The following KCNH1 variants were observed in gnomAD, a reference collection of about 807,000 sequenced individuals.
KCNH1 encodes the protein potassium voltage-gated channel subfamily H member 1, also known as voltage-gated delayed rectifier potassium channel KCNH1.
KCNH1 carries 27 observed loss-of-function variants against 69.2 expected under a neutral mutation model. That is an observed-to-expected ratio of 0.39 (90% CI 0.29 to 0.54). The LOEUF (loss-of-function observed/expected upper bound fraction) is 0.54. Among genes scored for constraint, KCNH1 ranks in the 20% least tolerant of loss-of-function variants. KCNH1 has a pLI of 0.68. For synonymous variants in KCNH1, 456 were observed against 487.7 expected (o/e 0.93, Z 0.86); for missense variants, 798 against 1,261.6 (o/e 0.63, Z 5.57).
At chr1:211,109,434 G>C (rs1485953877) in intron 1 of KCNH1, among the ~76,000 whole-genome samples, 1 of 152,166 alleles carries the variant, frequency 6.6e-6, no homozygotes, top group Non-Finnish European at 1.5e-5. Flanking sequence ...GAACTGAATA[G>C]CTTAGACTTA....
intron 7 of KCNH1, among the ~76,000 whole-genome samples, chr1:210,901,381 C>A (rs116087312): frequency 1.4e-3 from 206 of 152,308 alleles, no homozygotes; most frequent in African/African-American, 4.7e-3. Flanking sequence ...TGGGCAACTA[C>A]AACATCCTCC....
rs972174697 is a variant in KCNH1 at position 210,806,736 on chromosome 1, G to A, written c.1463-2570C>T. Among the ~76,000 whole-genome samples, 6 of 145,670 alleles carry A rather than the reference G, an allele frequency of 4.1e-5. 1 individual carries two copies. In the South Asian group the frequency reaches 8.9e-4, roughly 22 times the overall value. ...AATTTACAAGAAGCTTTGGGAGACC[G>A]AGGCAGGCGGATCACCTGAGGTCAG... is the stretch of plus-strand genomic sequence containing the variant. On this transcript the variant is annotated intron_variant, in intron 7 of 10. Transcript: ENST00000271751.
rs542741225 is a variant in KCNH1 at position 211,073,263 on chromosome 1, T to G, written c.558+9517A>C. On this transcript the variant is annotated intron_variant, in intron 5 of 10. Transcript: ENST00000271751. ...CAACTGCAAGGAAAAATAGATGAATTCATTATTATAGTTGAAGACTTCAAT... is the reference window on the plus strand; with the variant it reads ...CAACTGCAAGGAAAAATAGATGAATGCATTATTATAGTTGAAGACTTCAAT... 9.2e-5 allele frequency among the ~76,000 whole-genome samples: 14 copies of G among 152,306 alleles called. No homozygotes were observed. In the East Asian group the frequency reaches 2.7e-3, roughly 29 times the overall value.
At chr1:211,057,039 C>G (rs1054087588) in intron 5 of KCNH1, among the ~76,000 whole-genome samples, 3 of 152,126 alleles carry the variant, frequency 2.0e-5, no homozygotes, top group Admixed American at 2.0e-4. Flanking sequence ...AAGTAAGGCA[C>G]CCAGTGACCA....
chr1:210,849,368 T>TC (rs1226747008), intron 7 of KCNH1, among the ~76,000 whole-genome samples: 1 of 144,362 alleles, frequency 6.9e-6, no homozygotes, highest in South Asian at 2.1e-4. Context: ...TTTCTTTCTT[T>TC]TTTTTTTTTT....
intron 1 of KCNH1, among the ~76,000 whole-genome samples, chr1:211,129,623 T>A (rs1691841932): frequency 6.6e-6 from 1 of 152,158 alleles, no homozygotes; most frequent in Non-Finnish European, 1.5e-5. Context: ...AAAAACAAGC[T>A]CTGCTGAGCT....
Position 210,847,125 on chromosome 1 carries a change from T to G in KCNH1, c.1463-42959A>C, listed in dbSNP as rs1023362510. Among the ~76,000 whole-genome samples the G allele has an allele frequency of 4.5e-4, 69 of 152,160 alleles. 1 individual carries two copies. The South Asian group carries it at 5.2e-3, about 11-fold the overall frequency. On this transcript the variant is annotated intron_variant, in intron 7 of 10. Transcript: ENST00000271751. ...GGAGAAATAGGAACACTTTTACACT[T>G]TTGGTGGGACTGTAAACTAGTTCAA...
intron 8 of KCNH1, among the ~76,000 whole-genome samples, chr1:210,800,272 C>A (rs1389597101): frequency 6.6e-6 from 1 of 152,198 alleles, no homozygotes; most frequent in Non-Finnish European, 1.5e-5. Flanking sequence ...AAAAACAAGA[C>A]TCCTGCAGAA....
At chr1:210,913,704 A>T (rs1687280809) in intron 7 of KCNH1, among the ~76,000 whole-genome samples, 1 of 152,222 alleles carries the variant, frequency 6.6e-6, no homozygotes, top group Admixed American at 6.5e-5. Context: ...TGACGGAATA[A>T]GACTATGGGG....
intron 5 of KCNH1, among the ~76,000 whole-genome samples, chr1:211,080,183 C>T (rs1558596152): frequency 3.3e-5 from 5 of 152,174 alleles, no homozygotes; most frequent in Admixed American, 2.6e-4. Flanking sequence ...AATAGACAAA[C>T]AGAGAGCCAA....
intron 7 of KCNH1, among the ~76,000 whole-genome samples, chr1:210,833,663 C>A (rs1477128313): frequency 6.6e-6 from 1 of 151,876 alleles, no homozygotes; most frequent in East Asian, 1.9e-4. Context: ...GCAATGGCAA[C>A]AAAAGCCAAA....
intron 5 of KCNH1, among the ~76,000 whole-genome samples, chr1:211,050,676 T>C (rs533291947): frequency 6.6e-6 from 1 of 152,370 alleles, no homozygotes; most frequent in East Asian, 1.9e-4. Context: ...GTTGTATTTT[T>C]TTATTTCAAT....
rs113452103 is a variant in KCNH1 at position 210,944,873 on chromosome 1, G to A, written c.1033-24804C>T. On this transcript the variant is annotated intron_variant, in intron 6 of 10. Transcript: ENST00000271751. Reference sequence around the variant, plus strand: ...CTATTCATCTCCAGAAATTTTTCACGTTTCCAAACTGAAACTCTGCACCCA... The same window carrying A: ...CTATTCATCTCCAGAAATTTTTCACATTTCCAAACTGAAACTCTGCACCCA... Among the ~76,000 whole-genome samples the A allele has an allele frequency of 5.6e-3, 849 of 152,182 alleles. 11 individuals are homozygous for A. The highest frequency in any genetic ancestry group is 0.019 in the African/African-American group (806 of 41,524).
At chr1:210,964,686 G>T (rs1333619441) in intron 6 of KCNH1, among the ~76,000 whole-genome samples, 1 of 152,156 alleles carries the variant, frequency 6.6e-6, no homozygotes, top group African/African-American at 2.4e-5. Context: ...AGAGGAGCTG[G>T]TACCATTCCT....
At chr1:211,014,479 G>A (rs569009507) in intron 6 of KCNH1, among the ~76,000 whole-genome samples, 1 of 152,328 alleles carries the variant, frequency 6.6e-6, no homozygotes, top group Non-Finnish European at 1.5e-5. Flanking sequence ...AACAAGTTTA[G>A]CCAAAGGGAT....
intron 6 of KCNH1, among the ~76,000 whole-genome samples, chr1:210,954,880 T>G (rs1468519438): frequency 6.6e-6 from 1 of 152,236 alleles, no homozygotes; most frequent in East Asian, 1.9e-4. Flanking sequence ...TAGTTTCTTT[T>G]GCTGTGCAGA....
intron 5 of KCNH1, among the ~76,000 whole-genome samples, chr1:211,049,993 C>T (rs1288266330): frequency 6.6e-6 from 1 of 152,074 alleles, no homozygotes; most frequent in Non-Finnish European, 1.5e-5. Flanking sequence ...CCACTTGCCA[C>T]CAAATTGGCT....
intron 7 of KCNH1, among the ~76,000 whole-genome samples, chr1:210,805,839 G>A (rs1020602558): frequency 5.9e-5 from 9 of 152,068 alleles, no homozygotes; most frequent in African/African-American, 2.2e-4. Context: ...CATAATATGC[G>A]GTCTTCCATG....
At chr1:210,799,853 T>C (rs1684396463) in intron 8 of KCNH1, among the ~76,000 whole-genome samples, 1 of 152,218 alleles carries the variant, frequency 6.6e-6, no homozygotes, top group Non-Finnish European at 1.5e-5. Flanking sequence ...TCACCACTGA[T>C]GGCTTCACTT....
Sources: allele counts gnomAD v4.1 joint callset (sites outside exome capture counted in the v4.1 genomes callset), GRCh38; gene constraint gnomAD v4.1.1; transcripts MANE v1.5; gene names NCBI Gene and HGNC (gene_info 2026-07-23, HGNC 2026-07-21).